Variants in ELMO2 observed in about 807,000 individuals in gnomAD.
ELMO2 encodes the protein engulfment and cell motility 2.
ELMO2 carries 37 observed loss-of-function variants against 96.2 expected under a neutral mutation model. The ratio of observed to expected loss-of-function variants is 0.38; its 90% CI spans 0.30 to 0.51. The LOEUF is 0.51. Among genes scored for constraint, ELMO2 ranks in the 20% least tolerant of loss-of-function variants. The pLI, the probability that ELMO2 is intolerant of heterozygous loss-of-function variation, is 0.88. For synonymous variants in ELMO2, 315 were observed against 329.4 expected, an observed-to-expected ratio of 0.96 and a Z score of 0.47; for missense variants, 561 against 912.6, an observed-to-expected ratio of 0.61 and a Z score of 4.96.
intron 11 of ELMO2, 71 bp downstream of exon 11, chr20:46,380,182 A>G (rs906294425): frequency 1.5e-5 from 20 of 1,291,902 alleles, no homozygotes; most frequent in Non-Finnish European, 2.2e-5. Flanking sequence ...AATTTCAATA[A>G]TAATATATTA....
intron 6 of ELMO2, among the ~76,000 whole-genome samples, chr20:46,392,525 A>G (rs1013782339): frequency 3.9e-5 from 6 of 152,160 alleles, no homozygotes; most frequent in African/African-American, 1.4e-4. Flanking sequence ...TAAACATAAC[A>G]TATCTTCCTG....
intron 6 of ELMO2, among the ~76,000 whole-genome samples, chr20:46,389,707 G>A (rs938739066): frequency 2.6e-5 from 4 of 152,100 alleles, no homozygotes; most frequent in Non-Finnish European, 5.9e-5. Context: ...AAATGAGCCA[G>A]GTGTGGTGGT....
At chr20:46,370,218 G>C in intron 20 of ELMO2, 1 of 664,312 alleles carries the variant, frequency 1.5e-6, no homozygotes, top group South Asian at 1.5e-5. Flanking sequence ...TCTTCAAAGC[G>C]ATAAAGGAGA....
At chr20:46,387,588 A>C (rs1600860596) in intron 7 of ELMO2, 151 bp from the exon 8 acceptor site, 1 of 510,662 alleles carries the variant, frequency 2.0e-6, no homozygotes. Flanking sequence ...CTGTGTGCAC[A>C]CCTAGCCAGT....
chr20:46,367,423 G>T lies in ELMO2; in HGVS notation c.2100C>A (p.Pro700=), dbSNP rs267605962. 13 of 1,612,244 alleles carry T rather than the reference G, an allele frequency of 8.1e-6. No homozygotes were observed. In the South Asian group the frequency reaches 1.3e-4, roughly 16 times the overall value. Reference sequence around the variant, plus strand: ...CCTTGGGGATGGGGGGTGGGGCTTCGGGAATCTGGATGTTCTCCAGGTCCA... The same window carrying T: ...CCTTGGGGATGGGGGGTGGGGCTTCTGGAATCTGGATGTTCTCCAGGTCCA... ...RLLDLENIQI[P]EAPPPIPKEP... Residue 700 remains proline, a synonymous_variant, in exon 22 of 22, where the codon CCC becomes CCA. Coordinates refer to ENST00000290246, the MANE Select transcript of ELMO2 (RefSeq NM_133171.5).
In ELMO2 at chr20:46,375,637, T is replaced by C. The variant is rs2059845581; in HGVS notation, c.930+31A>G. 2 of 1,613,696 alleles carry C rather than the reference T, an allele frequency of 1.2e-6. No homozygotes were observed. The highest frequency in any genetic ancestry group is 1.7e-6 in the Non-Finnish European group (2 of 1,179,638). ...CTAAGGCTGGACTGCACCACAGCCA[T>C]GAGAAAACAGCTGCCCCACTTAGCA... On this transcript the variant is annotated intron_variant, in intron 12 of 21. Transcript: ENST00000290246. This position sits in a 1 kb window ranked among gnomAD's most constrained non-coding sequence, Gnocchi z 4.6.
In ELMO2 at chr20:46,366,369, A is replaced by G. The variant is rs1276352485; in HGVS notation, c.*991T>C. ...GAGAGAGGCTGTGTGTGTGGTTTAC[A>G]AGTGCTGCAGCACCAGGGAAGCCCC... On this transcript the variant is annotated 3_prime_UTR_variant, in exon 22 of 22. Transcript: ENST00000290246. 6.5e-6 allele frequency: 1 copy of G among 152,750 alleles called. No individual in the cohort carries two copies. Among genetic ancestry groups the G allele is most frequent in the Admixed American group, 6.5e-5 (1 of 15,292 alleles). The allele number at this position is 152,750 out of a possible 1,614,324, so 9.5% of individuals were successfully genotyped here. A position where few individuals can be genotyped will look rare whatever the true frequency, so the allele number is the denominator to read the frequency against.
chr20:46,378,188 G>C (rs534809477), intron 11 of ELMO2, among the ~76,000 whole-genome samples: 279 of 152,300 alleles, frequency 1.8e-3, no homozygotes, highest in African/African-American at 6.1e-3. Flanking sequence ...AGTCTGATGA[G>C]TGACAGTTTG....
chr20:46,395,167 G>A (rs902128497), intron 2 of ELMO2, among the ~76,000 whole-genome samples: 2 of 152,204 alleles, frequency 1.3e-5, no homozygotes, highest in Non-Finnish European at 2.9e-5. Context: ...CAAGTGGAGA[G>A]AGGTAAGGAT....
At chr20:46,398,650 T>C (rs985622884) in intron 2 of ELMO2, 47 bp downstream of exon 2, 1 of 152,220 alleles carries the variant, frequency 6.6e-6, no homozygotes, top group Non-Finnish European at 1.5e-5. Flanking sequence ...CACTTCTATA[T>C]CATTATTATA....
At chr20:46,393,425 C>T (rs2060189343) in intron 5 of ELMO2, 104 bp downstream of exon 5, 2 of 1,276,814 alleles carry the variant, frequency 1.6e-6, no homozygotes, top group South Asian at 1.3e-5. Flanking sequence ...TTACCCAACA[C>T]ATGGAAGCTA....
intron 2 of ELMO2, among the ~76,000 whole-genome samples, chr20:46,396,332 G>A (rs2060244183): frequency 6.6e-6 from 1 of 152,178 alleles, no homozygotes; most frequent in Non-Finnish European, 1.5e-5. Context: ...AGACAGGACT[G>A]CACGGTTGTG....
At chr20:46,404,187 C>T (rs760185496) in intron 1 of ELMO2, among the ~76,000 whole-genome samples, 3 of 152,170 alleles carry the variant, frequency 2.0e-5, no homozygotes, top group Non-Finnish European at 4.4e-5. Context: ...GTCCTGGGAC[C>T]AGACTTAGTC....
intron 11 of ELMO2, chr20:46,376,681 G>C (rs763840657): frequency 7.8e-7 from 1 of 1,289,312 alleles, no homozygotes. Context: ...CCTTGTATTT[G>C]TCACTCCCTC....
chr20:46,374,739 A>G (rs1440820569), intron 13 of ELMO2, 99 bp from the exon 14 acceptor site: 8 of 957,750 alleles, frequency 8.4e-6, no homozygotes, highest in Admixed American at 6.3e-5. Flanking sequence ...TGCTGCTACC[A>G]CTCAGCACCC....
rs2059809195 is a variant in ELMO2, at chr20:46,374,390, G to A, written c.1221C>T (p.Gly407=). ...TTTTGGTGAGCTCAATGGCACTGCG[G>A]CCAAAGGGGCATTCATGTTTGTCTT... ...SREDKHECPF[G]RSAIELTKML... is the part of the protein sequence containing the mutation. Residue 407 remains glycine, a synonymous_variant, in exon 15 of 22, where the codon GGC becomes GGT. Transcript: ENST00000290246. The A allele has an allele frequency of 1.2e-6, 2 of 1,614,152 alleles. No individual in the cohort carries two copies. The highest frequency in any genetic ancestry group is 1.3e-5 in the African/African-American group (1 of 75,034).
In ELMO2 at chr20:46,371,836, C is replaced by T. The variant is rs2059719868; in HGVS notation, c.1550G>A (p.Ser517Asn). 6.2e-7 allele frequency: 1 copy of T among 1,614,108 alleles called. No individual in the cohort carries two copies. Among genetic ancestry groups the T allele is most frequent in the South Asian group, 1.1e-5 (1 of 91,090 alleles). Residue 517 changes from serine to asparagine, a missense_variant, in exon 17 of 22, where the codon AGT becomes AAT. By Grantham distance (46) the Ser-to-Asn change is conservative. Transcript: ENST00000290246. This position sits in a 1 kb window ranked among gnomAD's most constrained non-coding sequence, Gnocchi z 5.9. ...ILRLRQSERM[S>N]QDDFQSPPIV... is the part of the protein sequence containing the mutation. Reference sequence around the variant, plus strand: ...TGGCGGGGACTGGAAGTCATCCTGACTCATCCTCTCAGACTGGCGCAGTCG... The same window carrying T: ...TGGCGGGGACTGGAAGTCATCCTGATTCATCCTCTCAGACTGGCGCAGTCG...
intron 19 of ELMO2, 140 bp from the exon 20 acceptor site, chr20:46,370,665 G>A (rs2059684455): frequency 1.3e-5 from 10 of 770,834 alleles, no homozygotes; most frequent in Non-Finnish European, 2.2e-5. Context: ...TATGAGCTCA[G>A]TGAGGGTGGT....
chr20:46,402,351 A>G (rs1161695910), intron 1 of ELMO2, among the ~76,000 whole-genome samples: 4 of 152,222 alleles, frequency 2.6e-5, no homozygotes, highest in African/African-American at 9.6e-5. Flanking sequence ...TGCCTTCAGA[A>G]GAGAGTGAAA....
Sources: gnomAD v4.1 joint callset for allele counts (sites outside exome capture counted in the v4.1 genomes callset) on GRCh38, gnomAD v4.1.1 for gene constraint, Gnocchi (gnomAD v3.1) non-coding constraint, MANE v1.5 for transcripts, NCBI Gene and HGNC (gene_info 2026-07-23, HGNC 2026-07-21) for gene names.